The following PRELID2 variants were observed in gnomAD, a reference collection of about 807,000 sequenced individuals.
PRELID2 encodes the protein PRELI domain-containing protein 2.
PRELID2 carries 25 observed loss-of-function variants against 28.4 expected under a neutral mutation model. That is an observed-to-expected ratio of 0.88 (90% confidence interval 0.64 to 1.23). PRELID2 has a LOEUF of 1.23. PRELID2 is among the 50% of genes most tolerant of loss of function. The pLI is 0.00. For synonymous variants in PRELID2, 76 were observed against 71.6 expected, an observed-to-expected ratio of 1.06 and a Z score of -0.31; for missense variants, 201 against 214.4, an observed-to-expected ratio of 0.94 and a Z score of 0.39.
intron 1 of PRELID2, among the ~76,000 whole-genome samples, chr5:145,648,943 G>C (rs983874891): frequency 1.5e-4 from 23 of 152,086 alleles, no homozygotes; most frequent in Admixed American, 1.4e-3. Flanking sequence ...TGCTGTGAGA[G>C]TGATAACCAT....
chr5:145,229,794 C>T, the PRELID2 span: 1 of 758,394 alleles, frequency 1.3e-6, no homozygotes, highest in Non-Finnish European at 2.4e-6. Flanking sequence ...CAGTTTCTGA[C>T]ATAGCCCTGA....
chr5:145,573,305 G>T (rs73309647), intron 1 of PRELID2, among the ~76,000 whole-genome samples: 1 of 151,458 alleles, frequency 6.6e-6, no homozygotes, highest in African/African-American at 2.4e-5. Context: ...AATTGGAAGA[G>T]AATGTTTCAG....
chr5:145,401,592 T>A, the PRELID2 span, among the ~76,000 whole-genome samples: 1 of 152,148 alleles, frequency 6.6e-6, no homozygotes, highest in Non-Finnish European at 1.5e-5. Flanking sequence ...GAATGTTAGC[T>A]TGTGTGAGGA....
At chr5:145,557,371 A>G (rs1446007992) in intron 1 of PRELID2, among the ~76,000 whole-genome samples, 1 of 152,222 alleles carries the variant, frequency 6.6e-6, no homozygotes, top group Non-Finnish European at 1.5e-5. Flanking sequence ...TAGGTTATGG[A>G]CCAAAATCAT....
chr5:145,482,208 C>T (rs918957253), intron 1 of PRELID2, among the ~76,000 whole-genome samples: 2 of 152,168 alleles, frequency 1.3e-5, no homozygotes, highest in Non-Finnish European at 2.9e-5. Context: ...TGTGAGCCAG[C>T]AGGGAAGCAC....
chr5:145,248,251 C>T, the PRELID2 span, among the ~76,000 whole-genome samples: 6 of 151,928 alleles, frequency 3.9e-5, no homozygotes, highest in Non-Finnish European at 5.9e-5. Flanking sequence ...GGGAAAGAGG[C>T]CCTTGGTAAA....
intron 1 of PRELID2, among the ~76,000 whole-genome samples, chr5:145,542,261 A>G (rs571271481): frequency 2.5e-4 from 38 of 152,278 alleles, no homozygotes; most frequent in Non-Finnish European, 4.1e-4. Flanking sequence ...CCCAGCAGAC[A>G]TAATGGGCTG....
intron 1 of PRELID2, among the ~76,000 whole-genome samples, chr5:145,557,401 T>C (rs1378556976): frequency 6.6e-6 from 1 of 152,052 alleles, no homozygotes; most frequent in Admixed American, 6.6e-5. Flanking sequence ...TGAGGTAAAA[T>C]AGCAATCTAA....
At chr5:145,455,663 C>A in the PRELID2 span, among the ~76,000 whole-genome samples, 8 of 152,246 alleles carry the variant, frequency 5.3e-5, no homozygotes, top group Middle Eastern at 6.8e-3. Context: ...CCTCCACATC[C>A]CTTGTAAGTT....
chr5:145,375,238 G>A, the PRELID2 span, among the ~76,000 whole-genome samples: 1 of 151,974 alleles, frequency 6.6e-6, no homozygotes, highest in Non-Finnish European at 1.5e-5. Flanking sequence ...ACTTCTGTAG[G>A]GCTGCTGTGG....
chr5:145,532,445 A>G (rs919722243), intron 1 of PRELID2, among the ~76,000 whole-genome samples: 2 of 152,226 alleles, frequency 1.3e-5, no homozygotes, highest in South Asian at 2.1e-4. Flanking sequence ...TAACAAATCA[A>G]TTACCTCACA....
rs1757333734 is a variant in PRELID2, at chr5:145,758,640, C to T, written c.*1896G>A. ...TCAACCTCCAAATACAAATTTCTTG[C>T]CTCTCACTTCCACAATAATTTGCAT... On this transcript the variant is annotated 3_prime_UTR_variant, in exon 7 of 7. Coordinates refer to ENST00000683046, the MANE Select transcript of PRELID2 (RefSeq NM_205846.3). Among the ~76,000 whole-genome samples, 1 of 152,104 alleles carries T rather than the reference C, an allele frequency of 6.6e-6. No homozygotes were observed. The highest frequency in any genetic ancestry group is 6.5e-5 in the Admixed American group (1 of 15,270).
chr5:145,706,368 CAGAAAGAA>C (rs913561900), intron 1 of PRELID2, among the ~76,000 whole-genome samples: 2 of 152,130 alleles, frequency 1.3e-5, no homozygotes, highest in African/African-American at 4.8e-5. Context: ...CAGTGTTTTC[CAGAAAGAA>C]AGAAACAAAA....
chr5:145,434,696 C>T, the PRELID2 span, among the ~76,000 whole-genome samples: 2 of 152,182 alleles, frequency 1.3e-5, no homozygotes, highest in African/African-American at 4.8e-5. Context: ...CCTGGTCAAC[C>T]TGGCATCTCT....
At chr5:145,670,714 A>ATC (rs1268305194) in intron 1 of PRELID2, among the ~76,000 whole-genome samples, 4 of 151,860 alleles carry the variant, frequency 2.6e-5, no homozygotes, top group Admixed American at 1.3e-4. Flanking sequence ...CTCACTCCCA[A>ATC]TCTCTCTCTG....
chr5:145,253,905 G>A, the PRELID2 span, among the ~76,000 whole-genome samples: 5 of 152,034 alleles, frequency 3.3e-5, no homozygotes, highest in East Asian at 9.7e-4. Context: ...TTTAGTGTTT[G>A]TATGATCTTA....
At chr5:145,629,103 G>A (rs1297642687) in intron 1 of PRELID2, among the ~76,000 whole-genome samples, 1 of 152,138 alleles carries the variant, frequency 6.6e-6, no homozygotes, top group African/African-American at 2.4e-5. Flanking sequence ...AGCTTTGATA[G>A]CCTTAGCTGC....
chr5:145,600,728 C>T (rs759194865), intron 1 of PRELID2, among the ~76,000 whole-genome samples: 1 of 151,726 alleles, frequency 6.6e-6, no homozygotes, highest in East Asian at 1.9e-4. Flanking sequence ...AGGAAATAAA[C>T]CAAAATCAGT....
intron 4 of PRELID2, among the ~76,000 whole-genome samples, chr5:145,808,612 CAG>C (rs1177234312): frequency 6.6e-6 from 1 of 152,062 alleles, no homozygotes; most frequent in East Asian, 1.9e-4. Flanking sequence ...CGGTCAGGCG[CAG>C]AGACTCACGC....
Sources: gnomAD v4.1 joint callset for allele counts (sites outside exome capture counted in the v4.1 genomes callset) on GRCh38, gnomAD v4.1.1 for gene constraint, MANE v1.5 for transcripts, NCBI Gene and HGNC (gene_info 2026-07-23, HGNC 2026-07-21) for gene names.